Variants in R3HCC1L observed in about 807,000 individuals in gnomAD.
R3HCC1L encodes the protein coiled-coil domain-containing protein R3HCC1L.
A neutral mutation model predicts 59.9 loss-of-function variants in R3HCC1L; 51 were observed. The observed-to-expected ratio is 0.85, with a 90% CI of 0.68 to 1.07. R3HCC1L has a LOEUF of 1.07. Ranked by LOEUF, R3HCC1L falls within the 50% of genes least tolerant of loss-of-function variation. The pLI is 0.00. For synonymous variants in R3HCC1L, 322 were observed against 315.2 expected, an observed-to-expected ratio of 1.02 and a Z score of -0.23; for missense variants, 965 against 933.0, an observed-to-expected ratio of 1.03 and a Z score of -0.45.
intron 1 of R3HCC1L, among the ~76,000 whole-genome samples, chr10:98,153,049 C>G (rs1416861915): frequency 6.7e-6 from 1 of 150,120 alleles, no homozygotes. Flanking sequence ...GCGCCTCTGC[C>G]CGGCCGCCCC....
rs141296008 is a variant in R3HCC1L at position 98,157,184 on chromosome 10, T to G, written c.-213+1037T>G. 3.8e-3 allele frequency among the ~76,000 whole-genome samples: 585 copies of G among 152,338 alleles called. 5 individuals carry two copies. The highest frequency in any genetic ancestry group is 0.013 in the African/African-American group (530 of 41,574). The stretch of plus-strand genomic sequence containing the variant: ...CACTGGAAACTTGTTAGATCTCTGC[T>G]TTGTCCCCAGTGTTCTGAAGTTTCA... On this transcript the variant is annotated intron_variant, in intron 2 of 9. Coordinates refer to ENST00000298999, the MANE Select transcript of R3HCC1L (RefSeq NM_001351015.2).
intron 4 of R3HCC1L, among the ~76,000 whole-genome samples, chr10:98,205,026 T>C (rs1385755424): frequency 1.3e-5 from 2 of 152,190 alleles, no homozygotes; most frequent in South Asian, 2.1e-4. Context: ...GAGTGTCTCC[T>C]ACTGGCCTGA....
intron 9 of R3HCC1L, among the ~76,000 whole-genome samples, chr10:98,237,681 A>G (rs141512546): frequency 3.9e-5 from 6 of 152,080 alleles, no homozygotes; most frequent in African/African-American, 9.7e-5. Flanking sequence ...AGTTTCTCCT[A>G]CCTATTGGTG....
At chr10:98,157,489 C>T (rs1846999193) in intron 2 of R3HCC1L, among the ~76,000 whole-genome samples, 1 of 152,208 alleles carries the variant, frequency 6.6e-6, no homozygotes, top group African/African-American at 2.4e-5. Flanking sequence ...AGGATCGCTC[C>T]TTTCACCCAG....
chr10:98,151,682 A>G (rs998430126), intron 1 of R3HCC1L, among the ~76,000 whole-genome samples: 1 of 152,168 alleles, frequency 6.6e-6, no homozygotes, highest in Non-Finnish European at 1.5e-5. Context: ...AAGAGCAGAA[A>G]AGACTAAGGA....
chr10:98,197,001 C>T (rs895064040), intron 4 of R3HCC1L, among the ~76,000 whole-genome samples: 1 of 152,076 alleles, frequency 6.6e-6, no homozygotes, highest in African/African-American at 2.4e-5. Context: ...ACTGCAGCCT[C>T]CACCTCCCAG....
intron 4 of R3HCC1L, among the ~76,000 whole-genome samples, chr10:98,181,298 A>G (rs963019817): frequency 6.6e-6 from 1 of 152,112 alleles, no homozygotes; most frequent in African/African-American, 2.4e-5. Flanking sequence ...GAAGCTGGAT[A>G]TGAAATTCTG....
At chr10:98,191,568 A>G (rs966403674) in intron 4 of R3HCC1L, among the ~76,000 whole-genome samples, 7 of 151,958 alleles carry the variant, frequency 4.6e-5, no homozygotes, top group African/African-American at 1.7e-4. Flanking sequence ...TTGTCAGATG[A>G]GTAGATTGCA....
intron 4 of R3HCC1L, among the ~76,000 whole-genome samples, chr10:98,185,737 AT>A (rs1850166531): frequency 6.6e-6 from 1 of 152,200 alleles, no homozygotes; most frequent in African/African-American, 2.4e-5. Context: ...TGTTAAGTTG[AT>A]TTTATCATGA....
chr10:98,164,337 GAA>G (rs1331395808), intron 4 of R3HCC1L, among the ~76,000 whole-genome samples: 1 of 151,962 alleles, frequency 6.6e-6, no homozygotes, highest in African/African-American at 2.4e-5. Flanking sequence ...TATAGGCACA[GAA>G]AAAAGAGAGG....
intron 5 of R3HCC1L, among the ~76,000 whole-genome samples, chr10:98,222,705 C>T (rs976781682): frequency 6.6e-6 from 1 of 152,014 alleles, no homozygotes; most frequent in East Asian, 1.9e-4. Flanking sequence ...TATATTGAAC[C>T]AGCCTTGCAT....
At chr10:98,237,107 A>G (rs1857049923) in intron 9 of R3HCC1L, among the ~76,000 whole-genome samples, 1 of 152,208 alleles carries the variant, frequency 6.6e-6, no homozygotes. Context: ...ATAACCAGTG[A>G]CAGAGTGTGT....
chr10:98,145,823 C>T (rs1300267156), intron 1 of R3HCC1L, among the ~76,000 whole-genome samples: 1 of 152,016 alleles, frequency 6.6e-6, no homozygotes, highest in East Asian at 1.9e-4. Context: ...GTGGTGCATG[C>T]CTGTGATCCC....
intron 4 of R3HCC1L, among the ~76,000 whole-genome samples, chr10:98,177,809 A>C (rs148161095): frequency 2.0e-5 from 3 of 152,068 alleles, no homozygotes; most frequent in Non-Finnish European, 4.4e-5. Context: ...TCATGTGTCT[A>C]TTGGCTGCAT....
At chr10:98,215,040 C>T (rs1003981398) in intron 5 of R3HCC1L, among the ~76,000 whole-genome samples, 1 of 152,132 alleles carries the variant, frequency 6.6e-6, no homozygotes, top group African/African-American at 2.4e-5. Flanking sequence ...ATCTGTGCCT[C>T]CTGGTTTCTA....
chr10:98,165,899 C>T (rs951507862), intron 4 of R3HCC1L, among the ~76,000 whole-genome samples: 5 of 152,160 alleles, frequency 3.3e-5, no homozygotes, highest in Admixed American at 6.5e-5. Context: ...GGACCAGGTG[C>T]GATGGCTCAT....
Position 98,231,507 on chromosome 10 carries a change from TCTAGTTATCAG to T in R3HCC1L, c.1786-4_1792del. The stretch of plus-strand genomic sequence containing the variant: ...CCGGCACTTAACGTGCTTCTTCCTT[TCTAGTTATCAG>T]GGAATACCAAGAGCAGAGAGAGCAT... On this transcript the variant is annotated splice_acceptor_variant and splice_polypyrimidine_tract_variant and coding_sequence_variant and intron_variant, in exon 6 of 10. Coordinates refer to ENST00000298999, the MANE Select transcript of R3HCC1L (RefSeq NM_001351015.2). LOFTEE classifies it high-confidence loss of function. 6.2e-7 allele frequency: 1 copy of T among 1,608,976 alleles called. No individual in the cohort carries two copies. Among genetic ancestry groups the T allele is most frequent in the Non-Finnish European group, 8.5e-7 (1 of 1,178,620 alleles).
intron 2 of R3HCC1L, among the ~76,000 whole-genome samples, chr10:98,158,215 G>A (rs188102223): frequency 1.6e-3 from 239 of 152,234 alleles, no homozygotes; most frequent in Non-Finnish European, 2.6e-3. Context: ...GTGGACGTAT[G>A]TTTAAATGGG....
intron 4 of R3HCC1L, among the ~76,000 whole-genome samples, chr10:98,192,957 A>G (rs1435688813): frequency 6.6e-6 from 1 of 152,214 alleles, no homozygotes; most frequent in African/African-American, 2.4e-5. Flanking sequence ...TATCTCTGGG[A>G]TGCAAGGATG....
Sources: gnomAD v4.1 joint callset for allele counts (sites outside exome capture counted in the v4.1 genomes callset) on GRCh38, gnomAD v4.1.1 for gene constraint, MANE v1.5 for transcripts, NCBI Gene and HGNC (gene_info 2026-07-23, HGNC 2026-07-21) for gene names.